The following SPPL3 variants were observed in gnomAD, a reference collection of about 807,000 sequenced individuals.
The protein encoded by SPPL3 is signal peptide peptidase-like 3.
Under a neutral mutation model 42.4 loss-of-function variants are expected in SPPL3, and 5 were observed. The ratio of observed to expected loss-of-function variants is 0.12; its 90% CI spans 0.06 to 0.25. SPPL3 has a LOEUF of 0.25. Ranked by LOEUF, SPPL3 falls within the 10% of genes least tolerant of loss-of-function variation. The probability of loss-of-function intolerance (pLI) is 1.00; values close to 1 mark genes in which losing one functional copy is unlikely to be tolerated. For synonymous variants in SPPL3, 195 were observed against 181.8 expected (o/e 1.07, Z -0.58); for missense variants, 235 against 489.0 (o/e 0.48, Z 4.90).
intron 2 of SPPL3, among the ~76,000 whole-genome samples, chr12:120,809,245 C>T (rs894043751): frequency 1.6e-4 from 24 of 151,888 alleles, no homozygotes; most frequent in African/African-American, 3.6e-4. Context: ...TTCAGGAGGC[C>T]GAGACAGAAG....
chr12:120,880,026 T>C (rs1010790492), intron 1 of SPPL3, among the ~76,000 whole-genome samples: 2 of 151,680 alleles, frequency 1.3e-5, no homozygotes, highest in East Asian at 1.9e-4. Flanking sequence ...ACAATCCTAC[T>C]TGATTTTCTT....
intron 1 of SPPL3, among the ~76,000 whole-genome samples, chr12:120,822,910 A>G (rs1871114654): frequency 6.6e-6 from 1 of 151,862 alleles, no homozygotes; most frequent in African/African-American, 2.4e-5. Flanking sequence ...ATGCATGAGG[A>G]CTCTGCTAGG....
At chr12:120,807,022 GAC>G (rs1275328010) in intron 2 of SPPL3, among the ~76,000 whole-genome samples, 1 of 151,962 alleles carries the variant, frequency 6.6e-6, no homozygotes, top group Non-Finnish European at 1.5e-5. Flanking sequence ...TATTCCAAGG[GAC>G]ACTATTAAGA....
Position 120,764,119 on chromosome 12 carries a change from C to CATCA in SPPL3, c.*876_*879dup, listed in dbSNP as rs1868782653. On this transcript the variant is annotated 3_prime_UTR_variant, in exon 11 of 11. Coordinates refer to ENST00000353487, the MANE Select transcript of SPPL3 (RefSeq NM_139015.5). ...GGGCTCCTGAAGTCCATGAGTCTAT[C>CATCA]ATCAATCAGCACAAATGCTATACTA... 2 of 152,518 alleles carry CATCA rather than the reference C, an allele frequency of 1.3e-5. No individual in the cohort carries two copies. The highest frequency in any genetic ancestry group is 2.1e-4 in the South Asian group (1 of 4,822). 9.4% of individuals were successfully genotyped at this position (152,518 alleles called of 1,614,324 possible).
chr12:120,809,532 T>C (rs1870611868), intron 2 of SPPL3, among the ~76,000 whole-genome samples: 1 of 152,206 alleles, frequency 6.6e-6, no homozygotes, highest in African/African-American at 2.4e-5. Context: ...TTATCCCTAT[T>C]ACTTCCTTTC....
intron 1 of SPPL3, among the ~76,000 whole-genome samples, chr12:120,869,998 T>C (rs1048673309): frequency 5.9e-5 from 9 of 152,248 alleles, no homozygotes; most frequent in African/African-American, 9.6e-5. Context: ...CATAAAGCCA[T>C]TGAATCTTTC....
chr12:120,869,526 C>G (rs1309187758), intron 1 of SPPL3, among the ~76,000 whole-genome samples: 1 of 152,166 alleles, frequency 6.6e-6, no homozygotes, highest in Non-Finnish European at 1.5e-5. Flanking sequence ...CCTGTAACGA[C>G]CTCTACTATG....
chr12:120,816,428 A>C (rs777404064), intron 1 of SPPL3, among the ~76,000 whole-genome samples: 2 of 152,260 alleles, frequency 1.3e-5, no homozygotes, highest in South Asian at 2.1e-4. Context: ...CAAATATCAC[A>C]TAACTAGAAG....
intron 1 of SPPL3, among the ~76,000 whole-genome samples, chr12:120,875,300 T>C (rs1873051266): frequency 6.6e-6 from 1 of 152,220 alleles, no homozygotes; most frequent in African/African-American, 2.4e-5. Flanking sequence ...TTTAAAATTA[T>C]GCTTAAGTTA....
chr12:120,833,378 A>G (rs1212277349), intron 1 of SPPL3, among the ~76,000 whole-genome samples: 2 of 152,216 alleles, frequency 1.3e-5, no homozygotes, highest in Non-Finnish European at 2.9e-5. Flanking sequence ...TCGATAGGAA[A>G]CTAATATAAT....
At chr12:120,770,654 C>G (rs1869084741) in intron 6 of SPPL3, among the ~76,000 whole-genome samples, 2 of 152,204 alleles carry the variant, frequency 1.3e-5, no homozygotes, top group Non-Finnish European at 2.9e-5. Context: ...TGTTCCTCCC[C>G]ACTCACTGGC....
chr12:120,819,042 C>T (rs1181170049), intron 1 of SPPL3, among the ~76,000 whole-genome samples: 1 of 152,144 alleles, frequency 6.6e-6, no homozygotes, highest in Admixed American at 6.5e-5. Context: ...GTTGTTTGAA[C>T]TGAACTCCAT....
intron 1 of SPPL3, among the ~76,000 whole-genome samples, chr12:120,867,261 GAA>G (rs1370404334): frequency 6.6e-6 from 1 of 152,174 alleles, no homozygotes; most frequent in Non-Finnish European, 1.5e-5. Context: ...ATAAATGGTT[GAA>G]AAGACACCTC....
intron 6 of SPPL3, among the ~76,000 whole-genome samples, chr12:120,777,287 G>T (rs2136973501): frequency 6.6e-6 from 1 of 152,264 alleles, no homozygotes; most frequent in South Asian, 2.1e-4. Flanking sequence ...CATAAAAGAA[G>T]CTATGAGATT....
At chr12:120,847,501 C>G (rs1047554830) in intron 1 of SPPL3, among the ~76,000 whole-genome samples, 2 of 151,876 alleles carry the variant, frequency 1.3e-5, no homozygotes, top group Non-Finnish European at 2.9e-5. Flanking sequence ...ACATGTTGCC[C>G]AGGCTGGTCT....
At chr12:120,824,697 A>AT (rs1324142817) in intron 1 of SPPL3, among the ~76,000 whole-genome samples, 2 of 151,784 alleles carry the variant, frequency 1.3e-5, no homozygotes, top group South Asian at 2.1e-4. Context: ...CATCAGGCTA[A>AT]TTTTTTTTGT....
chr12:120,770,860 TAA>T (rs1869092829), intron 6 of SPPL3, among the ~76,000 whole-genome samples: 1 of 152,368 alleles, frequency 6.6e-6, no homozygotes, highest in South Asian at 2.1e-4. Context: ...TCCTGTGGCC[TAA>T]GAGACATATA....
At chr12:120,874,415 T>C (rs1873017448) in intron 1 of SPPL3, among the ~76,000 whole-genome samples, 1 of 135,552 alleles carries the variant, frequency 7.4e-6, no homozygotes, top group Non-Finnish European at 1.5e-5. Flanking sequence ...ATTGCGCCAC[T>C]GCACTCCAGC....
At chr12:120,890,288 T>C (rs1221344295) in intron 1 of SPPL3, among the ~76,000 whole-genome samples, 4 of 151,220 alleles carry the variant, frequency 2.6e-5, no homozygotes, top group Non-Finnish European at 5.9e-5. Flanking sequence ...TTCAGGGTAT[T>C]TTCAAAATAT....
Sources: allele counts gnomAD v4.1 joint callset (sites outside exome capture counted in the v4.1 genomes callset), GRCh38; gene constraint gnomAD v4.1.1; transcripts MANE v1.5; gene names NCBI Gene and HGNC (gene_info 2026-07-23, HGNC 2026-07-21).